Variants in MMP15 observed in about 807,000 individuals in gnomAD.
The protein encoded by MMP15 is matrix metalloproteinase-15.
A neutral mutation model predicts 65.0 loss-of-function variants in MMP15; 36 were observed. The ratio of observed to expected loss-of-function variants is 0.55; its 90% CI spans 0.42 to 0.73. MMP15 has a LOEUF of 0.73. Among genes scored for constraint, MMP15 ranks in the 30% least tolerant of loss-of-function variants. MMP15 has a pLI of 0.00. For synonymous variants in MMP15, 428 were observed against 410.2 expected (o/e 1.04, Z -0.52); for missense variants, 870 against 987.8 (o/e 0.88, Z 1.60).
chr16:58,040,698 G>A lies in MMP15; in HGVS notation c.910G>A (p.Gly304Ser), dbSNP rs1056430484. ...TCTCCGTGGCATCCAGCAGCTCTAC[G>A]GTGCGTGGGCTGTGACCAGCGGGCT... ...DDLRGIQQLY[G>S]TPDGQPQPTQ... Residue 304 changes from glycine (G) to serine (S), a missense_variant and splice_region_variant, in exon 5 of 10, where the codon GGT (glycine) becomes AGT (serine). By Grantham distance (56) the Gly-to-Ser change is moderately conservative. Coordinates refer to ENST00000219271, the MANE Select transcript of MMP15 (RefSeq NM_002428.4). 9.9e-6 allele frequency: 16 copies of A among 1,613,956 alleles called. No individual in the cohort carries two copies. Among genetic ancestry groups the A allele is most frequent in the Admixed American group, 1.7e-5 (1 of 60,016 alleles).
chr16:58,037,762 T>C, intron 2 of MMP15, 142 bp downstream of exon 2: 1 of 1,265,532 alleles, frequency 7.9e-7, no homozygotes, highest in Non-Finnish European at 1.1e-6. Context: ...ATGTCACTTC[T>C]GATTGGTTGG....
intron 9 of MMP15, among the ~76,000 whole-genome samples, chr16:58,044,183 C>T (rs1039129312): frequency 1.6e-4 from 25 of 152,190 alleles, no homozygotes; most frequent in African/African-American, 5.8e-4. Context: ...TAGTGGCTCA[C>T]GCCTGTAATC....
intron 1 of MMP15, among the ~76,000 whole-genome samples, chr16:58,035,516 G>A (rs553306506): frequency 7.9e-5 from 12 of 152,204 alleles, no homozygotes; most frequent in South Asian, 2.1e-4. Context: ...CACGTTTGTC[G>A]AGCACCATCT....
intron 6 of MMP15, 143 bp from the exon 7 acceptor site, chr16:58,042,088 C>G: frequency 8.4e-7 from 1 of 1,194,092 alleles, no homozygotes; most frequent in Non-Finnish European, 1.2e-6. Flanking sequence ...GCAGCCCTGG[C>G]TTTCCAAGCC....
Position 58,043,237 on chromosome 16 carries a change from C to A in MMP15, c.1331C>A (p.Ala444Glu). Reference sequence around the variant, plus strand: ...GACCGCTACTGGCTCTTTCGAGAAGCGAACCTGGAGCCCGGCTACCCACAG... The same window carrying A: ...GACCGCTACTGGCTCTTTCGAGAAGAGAACCTGGAGCCCGGCTACCCACAG... Reference protein sequence around the residue: ...KGDRYWLFREANLEPGYPQPL... With the variant: ...KGDRYWLFREENLEPGYPQPL... The change falls in exon 8 of 10, where the codon GCG becomes GAG. Residue 444 changes from alanine to glutamate, a missense_variant. Ala to Glu is a moderately radical substitution (Grantham distance 107). Transcript: ENST00000219271. 6.2e-7 allele frequency: 1 copy of A among 1,600,414 alleles called. No homozygotes were observed. The highest frequency in any genetic ancestry group is 2.3e-5 in the East Asian group (1 of 44,436).
rs1188144456 is a variant in MMP15 at position 58,043,260 on chromosome 16, C to G, written c.1354C>G (p.Gln452Glu). 1.2e-6 allele frequency: 2 copies of G among 1,602,486 alleles called. No homozygotes were observed. The highest frequency in any genetic ancestry group is 2.2e-5 in the East Asian group (1 of 44,454). ...REANLEPGYP[Q>E]PLTSYGLGIP... ...AGCGAACCTGGAGCCCGGCTACCCA[C>G]AGCCGCTGACCAGCTATGGCCTGGG... The change falls in exon 8 of 10, where the codon CAG becomes GAG. Residue 452 changes from glutamine (Q) to glutamate (E), a missense_variant. By Grantham distance (29) the Gln-to-Glu change is conservative. Coordinates refer to ENST00000219271, the MANE Select transcript of MMP15 (RefSeq NM_002428.4).
At chr16:58,030,183 G>A (rs1963875242) in intron 1 of MMP15, among the ~76,000 whole-genome samples, 1 of 152,196 alleles carries the variant, frequency 6.6e-6, no homozygotes, top group Non-Finnish European at 1.5e-5. Context: ...AAGACAGAGA[G>A]GGGTTGTGGA....
At position 58,040,676 on chromosome 16, in the gene MMP15, C is replaced by G; in HGVS notation, c.888C>G (p.Leu296=). The change falls in exon 5 of 10, where the codon CTC becomes CTG. Residue 296 remains leucine (L), a synonymous_variant. Transcript: ENST00000219271. ...ACTTCAAGCTGCCCGAGGACGATCT[C>G]CGTGGCATCCAGCAGCTCTACGGTG... ...VDNFKLPEDD[L]RGIQQLYGTP... is the part of the protein sequence containing the mutation. 6.2e-7 allele frequency: 1 copy of G among 1,614,182 alleles called. No homozygotes were observed. The highest frequency in any genetic ancestry group is 8.5e-7 in the Non-Finnish European group (1 of 1,180,046).
chr16:58,027,185 A>G (rs1963833870), intron 1 of MMP15, among the ~76,000 whole-genome samples: 1 of 152,122 alleles, frequency 6.6e-6, no homozygotes, highest in South Asian at 2.1e-4. Context: ...CTTCCTCCCA[A>G]CAGCGCCCCT....
chr16:58,039,330 G>T (rs1289146465), intron 3 of MMP15, among the ~76,000 whole-genome samples: 2 of 152,248 alleles, frequency 1.3e-5, no homozygotes, highest in African/African-American at 2.4e-5. Context: ...TACTTGGGAG[G>T]CCGAGGCAGG....
intron 1 of MMP15, among the ~76,000 whole-genome samples, chr16:58,037,188 C>T (rs12924215): frequency 0.19 from 28,209 of 152,190 alleles, 3,341 homozygotes; most frequent in East Asian, 0.34. Flanking sequence ...CAGTGAGGGC[C>T]TTGTGGCTCT....
Position 58,045,650 on chromosome 16 carries a change from G to T in MMP15, c.*204G>T. The T allele has an allele frequency of 3.5e-6, 2 of 570,438 alleles. No homozygotes were observed. Among genetic ancestry groups the T allele is most frequent in the South Asian group, 4.5e-5 (2 of 44,264 alleles). The allele number at this position is 570,438 out of a possible 1,614,324, so 35.3% of individuals were successfully genotyped here. Reference sequence around the variant, plus strand: ...CATTTGTTTCTGTTTCCCCGACTGGGGCAGGGTGTTTAGAATTTTCTAAAT... The same window carrying T: ...CATTTGTTTCTGTTTCCCCGACTGGTGCAGGGTGTTTAGAATTTTCTAAAT... On this transcript the variant is annotated 3_prime_UTR_variant, in exon 10 of 10. Coordinates refer to ENST00000219271, the MANE Select transcript of MMP15 (RefSeq NM_002428.4).
At chr16:58,040,951 C>T (rs1567431218) in intron 5 of MMP15, 1 of 582,480 alleles carries the variant, frequency 1.7e-6, no homozygotes, top group Non-Finnish European at 3.1e-6. Context: ...ACAGGTTCTT[C>T]ATGACCCTCC....
chr16:58,042,388 A>T lies in MMP15; in HGVS notation c.1303+19A>T, dbSNP rs1224110991. ...TTCAAAGGTGAGCAGAGGTAGGGTT[A>T]GAGGGTTGGGCACGCCTCCTGCCAT... On this transcript the variant is annotated intron_variant, in intron 7 of 9. Transcript: ENST00000219271. 3 of 1,612,406 alleles carry T rather than the reference A, an allele frequency of 1.9e-6. No individual in the cohort carries two copies. Among genetic ancestry groups the T allele is most frequent in the African/African-American group, 1.3e-5 (1 of 74,968 alleles).
In MMP15 at chr16:58,026,094, G is replaced by A. The variant is rs888963623; in HGVS notation, c.-257G>A. On this transcript the variant is annotated 5_prime_UTR_variant, in exon 1 of 10. Coordinates refer to ENST00000219271, the MANE Select transcript of MMP15 (RefSeq NM_002428.4). The stretch of plus-strand genomic sequence containing the variant: ...CCGGGCCCCAGGCGCTGGGCGCCGA[G>A]GCTGCGGAACCTCGCCGGGGGCAGC... 18 of 367,318 alleles carry A rather than the reference G, an allele frequency of 4.9e-5. No homozygotes were observed. Among genetic ancestry groups the A allele is most frequent in the African/African-American group, 3.6e-4 (17 of 47,620 alleles). 22.8% of individuals were successfully genotyped at this position (367,318 alleles called of 1,614,324 possible).
chr16:58,032,581 C>G (rs1426151100), intron 1 of MMP15, among the ~76,000 whole-genome samples: 1 of 152,338 alleles, frequency 6.6e-6, no homozygotes, highest in East Asian at 1.9e-4. Context: ...GTCCGCTGAT[C>G]CAGGTGGGCC....
rs535142286 is a variant in MMP15, at chr16:58,029,134, A to G, written c.162+2622A>G. The stretch of plus-strand genomic sequence containing the variant: ...AAACCGATCCACCCGCCTTTCCTCA[A>G]CAGGCCCACGAGTATCTTCCTAGCC... On this transcript the variant is annotated intron_variant, in intron 1 of 9. Coordinates refer to ENST00000219271, the MANE Select transcript of MMP15 (RefSeq NM_002428.4). 8.5e-5 allele frequency among the ~76,000 whole-genome samples: 13 copies of G among 152,256 alleles called. No individual in the cohort carries two copies. In the South Asian group the frequency reaches 1.9e-3, roughly 22 times the overall value.
At chr16:58,044,980 G>T in intron 9 of MMP15, 27 bp from the exon 10 acceptor site, 2 of 1,612,772 alleles carry the variant, frequency 1.2e-6, no homozygotes, top group Non-Finnish European at 1.7e-6. Flanking sequence ...TCAACCTGAA[G>T]CCACTCTGGC....
Position 58,042,828 on chromosome 16 carries a change from A to G in MMP15, c.1304-382A>G, listed in dbSNP as rs41457945. On this transcript the variant is annotated intron_variant, in intron 7 of 9. Coordinates refer to ENST00000219271, the MANE Select transcript of MMP15 (RefSeq NM_002428.4). ...CTCCCTGAGGACAGGGCTGGCACCA[A>G]ACTAAAAGCAGGGAGCCCTGGGCCA... 5.9e-3 allele frequency among the ~76,000 whole-genome samples: 897 copies of G among 152,298 alleles called. 9 individuals carry two copies. Among genetic ancestry groups the G allele is most frequent in the African/African-American group, 0.02 (846 of 41,550 alleles).
Sources: allele counts gnomAD v4.1 joint callset (sites outside exome capture counted in the v4.1 genomes callset), GRCh38; gene constraint gnomAD v4.1.1; transcripts MANE v1.5; gene names NCBI Gene and HGNC (gene_info 2026-07-23, HGNC 2026-07-21).